CA4: variants seen among roughly 807,000 people sequenced by gnomAD.
CA4 encodes the protein CA-IV.
CA4 carries 24 observed loss-of-function variants against 34.5 expected under a neutral mutation model. The ratio of observed to expected loss-of-function variants is 0.70; its 90% CI spans 0.50 to 0.98. CA4 has a LOEUF of 0.98. Among genes scored for constraint, CA4 ranks in the 50% least tolerant of loss-of-function variants. CA4 has a pLI of 0.00. For missense variants in CA4, 394 were observed against 396.7 expected, an observed-to-expected ratio of 0.99 and a Z score of 0.06; for synonymous variants, 178 against 170.6, an observed-to-expected ratio of 1.04 and a Z score of -0.34.
chr17:60,161,607 G>GC (rs989103277), downstream of CA4, among the ~76,000 whole-genome samples: 2 of 151,576 alleles, frequency 1.3e-5, no homozygotes, highest in African/African-American at 4.9e-5. Flanking sequence ...CTCACCCCGA[G>GC]CCCCCCATGC....
At chr17:60,175,936 C>A in the CA4 span, among the ~76,000 whole-genome samples, 1 of 151,632 alleles carries the variant, frequency 6.6e-6, no homozygotes, top group African/African-American at 2.4e-5. Context: ...CCTGCCTCAG[C>A]CTCCCAAGTA....
chr17:60,155,204 A>T, intron 1 of CA4, 110 bp from the exon 2 acceptor site: 1 of 969,040 alleles, frequency 1.0e-6, no homozygotes, highest in Non-Finnish European at 1.6e-6. Context: ...ACTCCATCCC[A>T]GCCCAAGAGG....
Position 60,159,399 on chromosome 17 carries a change from G to A in CA4, c.914G>A (p.Cys305Tyr). The A allele has an allele frequency of 6.2e-7, 1 of 1,612,302 alleles. No individual in the cohort carries two copies. The highest frequency in any genetic ancestry group is 8.5e-7 in the Non-Finnish European group (1 of 1,179,700). The change falls in exon 8 of 8, where the codon TGC becomes TAC. Residue 305 changes from cysteine (C) to tyrosine (Y), a missense_variant. Transcript: ENST00000300900. ...GCCCTGCTGGGCCCCATGCTGGCCT[G>A]CCTGCTGGCCGGCTTCCTGCGATGA... is the stretch of plus-strand genomic sequence containing the variant. Reference protein sequence around the residue: ...LPALLGPMLACLLAGFLR With the variant: ...LPALLGPMLAYLLAGFLR
chr17:60,163,969 A>AG (rs1349852131), downstream of CA4, among the ~76,000 whole-genome samples: 1 of 151,736 alleles, frequency 6.6e-6, no homozygotes, highest in Admixed American at 6.6e-5. Context: ...TGTCTCTACG[A>AG]GGGGGAAAAA....
chr17:60,157,703 A>G lies in CA4; in HGVS notation c.428A>G (p.His143Arg). ...CACCCCGACCAGATGCACATAGTAC[A>G]TGAGAAAGAGAAGGGGACATCGAGG... ...EHFAMEMHIV[H>R]EKEKGTSRNV... is the part of the protein sequence containing the mutation. The change falls in exon 5 of 8, where the codon CAT (histidine) becomes CGT (arginine). Residue 143 changes from histidine (H) to arginine (R), a missense_variant. Transcript: ENST00000300900. 6.2e-7 allele frequency: 1 copy of G among 1,613,986 alleles called. No individual in the cohort carries two copies. Among genetic ancestry groups the G allele is most frequent in the Non-Finnish European group, 8.5e-7 (1 of 1,179,826 alleles).
At chr17:60,170,515 C>T (rs1235151541) in intron 5 of CA4, 3 of 152,310 alleles carry the variant, frequency 2.0e-5, no homozygotes, top group African/African-American at 7.2e-5. Context: ...GTCCTATCTC[C>T]CCATCTAATC....
intron 5 of CA4, among the ~76,000 whole-genome samples, chr17:60,168,423 C>T (rs1333287722): frequency 6.4e-5 from 1 of 15,542 alleles, no homozygotes; most frequent in Non-Finnish European, 1.0e-4. Context: ...AGGGTGATTT[C>T]TTTTTTTGTG....
chr17:60,179,015 C>T, the CA4 span: 2 of 415,254 alleles, frequency 4.8e-6, no homozygotes, highest in Non-Finnish European at 8.5e-6. Flanking sequence ...CTTTTGTTTA[C>T]AGGCTAATGG....
chr17:60,151,233 A>C lies in CA4; in HGVS notation c.58+1141A>C, dbSNP rs896817376. Among the ~76,000 whole-genome samples the C allele has an allele frequency of 2.6e-5, 4 of 152,124 alleles. No homozygotes were observed. The East Asian group carries it at 7.8e-4, about 29-fold the overall frequency. On this transcript the variant is annotated intron_variant, in intron 1 of 7. Transcript: ENST00000300900. ...GGTTCTTGGGGTCCACGCAGGCTGA[A>C]ACCTCCTCTCCCAAGTTAGGTGCTC... is the stretch of plus-strand genomic sequence containing the variant.
rs532917963 is a variant in CA4, at chr17:60,157,415, C to G, written c.269-12C>G. The G allele has an allele frequency of 6.2e-7, 1 of 1,614,170 alleles. No individual in the cohort carries two copies. Among genetic ancestry groups the G allele is most frequent in the East Asian group, 2.2e-5 (1 of 44,880 alleles). On this transcript the variant is annotated splice_polypyrimidine_tract_variant and intron_variant, in intron 3 of 7. Transcript: ENST00000300900. ...GGCTGGTTCGAGGACTCTGCCCCTT[C>G]TGTGCTCCCAGTGATGATGTTGCTG...
chr17:60,155,547 A>T (rs974474262), intron 2 of CA4, among the ~76,000 whole-genome samples, 180 bp downstream of exon 2: 5 of 139,616 alleles, frequency 3.6e-5, no homozygotes, highest in African/African-American at 1.0e-4. Flanking sequence ...TCTCACACAC[A>T]CACACACACA....
intron 5 of CA4, among the ~76,000 whole-genome samples, chr17:60,169,115 T>C (rs2083888857): frequency 1.3e-5 from 2 of 151,816 alleles, no homozygotes; most frequent in South Asian, 2.1e-4. Context: ...GGCATGGTGG[T>C]GCATGCCTGT....
downstream of CA4, among the ~76,000 whole-genome samples, chr17:60,161,409 T>C (rs1037664862): frequency 1.3e-5 from 2 of 152,054 alleles, no homozygotes; most frequent in Non-Finnish European, 2.9e-5. Flanking sequence ...GCTGAGTGAA[T>C]GGGGCACCCA....
chr17:60,169,883 C>T (rs1203173661), intron 5 of CA4, among the ~76,000 whole-genome samples: 1 of 152,206 alleles, frequency 6.6e-6, no homozygotes, highest in Non-Finnish European at 1.5e-5. Flanking sequence ...TGACTGGTTT[C>T]TCTTTCTCTT....
At chr17:60,157,402 G>A (rs781244686) in intron 3 of CA4, 25 bp from the exon 4 acceptor site, 8 of 1,614,082 alleles carry the variant, frequency 5.0e-6, no homozygotes, top group South Asian at 1.1e-5. Flanking sequence ...CTGGTTCGAG[G>A]ACTCTGCCCC....
intron 5 of CA4, among the ~76,000 whole-genome samples, chr17:60,167,996 C>CGA (rs2083872133): frequency 6.6e-6 from 1 of 151,974 alleles, no homozygotes; most frequent in African/African-American, 2.4e-5. Flanking sequence ...TGGCCTCCTG[C>CGA]GAGACACCTC....
chr17:60,157,914 G>C lies in CA4; in HGVS notation c.513+126G>C, dbSNP rs1039531040. ...GACTCCAACTTCCGCCTCTGTTTCTGGGGTTGCATGTCCCCGGGCCAGGTG... is the reference window on the plus strand; with the variant it reads ...GACTCCAACTTCCGCCTCTGTTTCTCGGGTTGCATGTCCCCGGGCCAGGTG... On this transcript the variant is annotated intron_variant, in intron 5 of 7. Coordinates refer to ENST00000300900, the MANE Select transcript of CA4 (RefSeq NM_000717.5). The C allele has an allele frequency of 1.1e-5, 17 of 1,532,354 alleles. No individual in the cohort carries two copies. The Admixed American group carries it at 2.7e-4, about 25-fold the overall frequency. 94.9% of individuals were successfully genotyped at this position (1,532,354 alleles called of 1,614,324 possible). A position where few individuals can be genotyped will look rare whatever the true frequency, so the allele number is the denominator to read the frequency against.
At chr17:60,167,306 G>T (rs147907248) in intron 5 of CA4, among the ~76,000 whole-genome samples, 1 of 152,290 alleles carries the variant, frequency 6.6e-6, no homozygotes, top group African/African-American at 2.4e-5. Flanking sequence ...GCCCTGGAGC[G>T]CTCTCCCCCA....
At chr17:60,152,393 C>T (rs2083607760) in intron 1 of CA4, among the ~76,000 whole-genome samples, 1 of 152,204 alleles carries the variant, frequency 6.6e-6, no homozygotes, top group African/African-American at 2.4e-5. Flanking sequence ...GCTGCTGCTT[C>T]CTGAAGAAGG....
Sources: allele counts gnomAD v4.1 joint callset (sites outside exome capture counted in the v4.1 genomes callset), GRCh38; gene constraint gnomAD v4.1.1; transcripts MANE v1.5; gene names NCBI Gene and HGNC (gene_info 2026-07-23, HGNC 2026-07-21).